Variants in BCO2 observed in about 807,000 individuals in gnomAD.
BCO2 encodes beta-carotene oxygenase 2, also known as carotenoid-cleaving dioxygenase, mitochondrial.
In BCO2, 56 loss-of-function variants were observed where a neutral mutation model predicts 65.8. The ratio of observed to expected loss-of-function variants is 0.85; its 90% CI spans 0.69 to 1.06. The LOEUF is 1.06. Ranked by LOEUF, BCO2 falls within the 50% of genes least tolerant of loss-of-function variation. The pLI, the probability that BCO2 is intolerant of heterozygous loss-of-function variation, is 0.00. For missense variants in BCO2, 675 were observed against 698.5 expected (o/e 0.97, Z 0.38); for synonymous variants, 233 against 242.3 (o/e 0.96, Z 0.36).
chr11:112,213,131 C>CTTTTTTT lies in BCO2; in HGVS notation c.1195-570_1195-564dup, dbSNP rs35527541. The stretch of plus-strand genomic sequence containing the variant: ...TGTTTATTTGATGCTAATTAAATAA[C>CTTTTTTT]TTTTTTTTTTTTTTTTTTTTTTTTT... On this transcript the variant is annotated intron_variant, in intron 8 of 11. Transcript: ENST00000357685. Among the ~76,000 whole-genome samples, 93 of 63,102 alleles carry CTTTTTTT rather than the reference C, an allele frequency of 1.5e-3. 9 individuals are homozygous for CTTTTTTT. Among genetic ancestry groups the CTTTTTTT allele is most frequent in the African/African-American group, 5.8e-3 (77 of 13,368 alleles). The allele number at this position is 63,102 out of a possible 152,430, so 41.4% of individuals were successfully genotyped here.
At chr11:112,178,322 T>C (rs1866939547) in intron 1 of BCO2, among the ~76,000 whole-genome samples, 1 of 152,208 alleles carries the variant, frequency 6.6e-6, no homozygotes, top group Non-Finnish European at 1.5e-5. Context: ...ATTTGTTACA[T>C]GTCATATAGG....
Position 112,192,032 on chromosome 11 carries a change from G to A in BCO2, c.294-1442G>A, listed in dbSNP as rs117771342. On this transcript the variant is annotated intron_variant, in intron 2 of 11. Coordinates refer to ENST00000357685, the MANE Select transcript of BCO2 (RefSeq NM_031938.7). ...CAGATCTTTAGAACTTTTTCATTTTGTGAAATTGAATCTCTATACTCATTA... is the reference window on the plus strand; with the variant it reads ...CAGATCTTTAGAACTTTTTCATTTTATGAAATTGAATCTCTATACTCATTA... Among the ~76,000 whole-genome samples, 222 of 152,066 alleles carry A rather than the reference G, an allele frequency of 1.5e-3. 3 individuals are homozygous for A. The East Asian group carries it at 0.032, about 22-fold the overall frequency.
chr11:112,199,376 G>C (rs1160558263), intron 5 of BCO2, among the ~76,000 whole-genome samples: 1 of 152,154 alleles, frequency 6.6e-6, no homozygotes, highest in Non-Finnish European at 1.5e-5. Context: ...CATTTGAGTT[G>C]GTTGCAAGTC....
intron 7 of BCO2, among the ~76,000 whole-genome samples, chr11:112,201,405 C>T (rs1867730160): frequency 6.6e-6 from 1 of 152,168 alleles, no homozygotes; most frequent in Admixed American, 6.5e-5. Context: ...GCCTCAGCCT[C>T]CCAAAGTGCT....
intron 8 of BCO2, among the ~76,000 whole-genome samples, chr11:112,210,726 C>T (rs1859481145): frequency 6.7e-6 from 1 of 149,176 alleles, no homozygotes; most frequent in Non-Finnish European, 1.5e-5. Flanking sequence ...TGAATTTACA[C>T]ATGATAAAAT....
rs1859727792 is a variant in BCO2 at position 112,217,806 on chromosome 11, G to A, written c.1672G>A (p.Glu558Lys). The change falls in exon 12 of 12, where the codon GAG (glutamate) becomes AAG (lysine). Residue 558 changes from glutamate to lysine, a missense_variant. Coordinates refer to ENST00000357685, the MANE Select transcript of BCO2 (RefSeq NM_031938.7). ...AGTTTTGGATGCCAAGAACTTTGAA[G>A]AGCTGGGCCGAGCAGAGGTACCTGT... The part of the protein sequence containing the change: ...ILVLDAKNFE[E>K]LGRAEVPVQM... The A allele has an allele frequency of 1.9e-6, 3 of 1,614,058 alleles. No homozygotes were observed. Among genetic ancestry groups the A allele is most frequent in the Non-Finnish European group, 1.7e-6 (2 of 1,180,024 alleles).
intron 2 of BCO2, chr11:112,180,864 C>T (rs957728866): frequency 7.5e-6 from 8 of 1,072,602 alleles, no homozygotes; most frequent in African/African-American, 6.2e-5. Flanking sequence ...CTTTCTGTGG[C>T]CAGCAGTAAA....
intron 7 of BCO2, among the ~76,000 whole-genome samples, chr11:112,201,291 G>A (rs1337217100): frequency 6.6e-6 from 1 of 152,098 alleles, no homozygotes; most frequent in Non-Finnish European, 1.5e-5. Flanking sequence ...GGGACTACAG[G>A]TGTGTGCCAC....
intron 10 of BCO2, chr11:112,215,227 T>C: frequency 2.5e-6 from 1 of 398,930 alleles, no homozygotes; most frequent in South Asian, 2.6e-5. Context: ...TTAAAGTTGA[T>C]GGCAAATTAT....
At chr11:112,175,846 A>T in intron 1 of BCO2, 157 bp downstream of exon 1, 1 of 527,758 alleles carries the variant, frequency 1.9e-6, no homozygotes, top group Non-Finnish European at 3.5e-6. Context: ...CCTGGAAGTT[A>T]AAGAAGGCTG....
chr11:112,209,588 A>G (rs913607144), intron 8 of BCO2, among the ~76,000 whole-genome samples: 3 of 152,200 alleles, frequency 2.0e-5, no homozygotes, highest in African/African-American at 4.8e-5. Flanking sequence ...AGATTAGGAG[A>G]GTTCCCTTTT....
At chr11:112,199,591 A>G (rs1264984435) in intron 5 of BCO2, 108 bp from the exon 6 acceptor site, 6 of 909,400 alleles carry the variant, frequency 6.6e-6, no homozygotes, top group South Asian at 1.7e-5. Flanking sequence ...AGTGTCACAC[A>G]TATTGCATAA....
At chr11:112,177,725 C>T (rs1866922165) in intron 1 of BCO2, among the ~76,000 whole-genome samples, 1 of 151,944 alleles carries the variant, frequency 6.6e-6, no homozygotes, top group Non-Finnish European at 1.5e-5. Context: ...AAAGAGGAAA[C>T]AGACCACAGA....
At position 112,194,635 on chromosome 11, in the gene BCO2, G is replaced by C; in HGVS notation, c.634-18G>C. 6.7e-7 allele frequency: 1 copy of C among 1,493,590 alleles called. No homozygotes were observed. The highest frequency in any genetic ancestry group is 9.3e-7 in the Non-Finnish European group (1 of 1,071,572). The allele number at this position is 1,493,590 out of a possible 1,614,324, so 92.5% of individuals were successfully genotyped here. A position where few individuals can be genotyped will look rare whatever the true frequency, so the allele number is the denominator to read the frequency against. On this transcript the variant is annotated intron_variant, in intron 4 of 11. Coordinates refer to ENST00000357685, the MANE Select transcript of BCO2 (RefSeq NM_031938.7). ...GAGATCTGCCCATTAAAAATCTCCA[G>C]TGGTCTCAAATTTGCAGGTAGATTG...
chr11:112,176,517 C>CGGTGG (rs772731770), intron 1 of BCO2: 1 of 46,738 alleles, frequency 2.1e-5, no homozygotes, highest in Non-Finnish European at 3.6e-5. Context: ...AATTGATTGG[C>CGGTGG]GGGGGGGGGG....
chr11:112,214,692 C>T (rs188205753), intron 9 of BCO2, 70 bp from the exon 10 acceptor site: 211 of 1,338,756 alleles, frequency 1.6e-4, no homozygotes, highest in Non-Finnish European at 2.1e-4. Flanking sequence ...TATGAGGCTC[C>T]TCACTGACCT....
chr11:112,202,408 G>A (rs1371007271), intron 8 of BCO2, among the ~76,000 whole-genome samples: 2 of 151,860 alleles, frequency 1.3e-5, no homozygotes, highest in African/African-American at 2.4e-5. Context: ...TCAGCCTCCC[G>A]GGTAGCTGGG....
At chr11:112,204,068 G>A (rs927009961) in intron 8 of BCO2, among the ~76,000 whole-genome samples, 1 of 152,078 alleles carries the variant, frequency 6.6e-6, no homozygotes, top group African/African-American at 2.4e-5. Flanking sequence ...TGGCCAGGCT[G>A]GTCTCTAACT....
chr11:112,188,010 C>G, intron 2 of BCO2, among the ~76,000 whole-genome samples: 1 of 152,156 alleles, frequency 6.6e-6, no homozygotes, highest in Non-Finnish European at 1.5e-5. Flanking sequence ...GTAGATGGCA[C>G]TTATCTCACT....
Sources: gnomAD v4.1 joint callset for allele counts (sites outside exome capture counted in the v4.1 genomes callset) on GRCh38, gnomAD v4.1.1 for gene constraint, MANE v1.5 for transcripts, NCBI Gene and HGNC (gene_info 2026-07-23, HGNC 2026-07-21) for gene names.